CSMD1: variants seen among roughly 807,000 people sequenced by gnomAD.
CSMD1 encodes the protein CUB and sushi domain-containing protein 1.
Under a neutral mutation model 417.5 loss-of-function variants are expected in CSMD1, and 213 were observed. That is an observed-to-expected ratio of 0.51 (90% CI 0.46 to 0.57). The LOEUF is 0.57. Among genes scored for constraint, CSMD1 ranks in the 20% least tolerant of loss-of-function variants. CSMD1 has a pLI of 0.00. For synonymous variants in CSMD1, 2,862 were observed against 1,736.8 expected, an observed-to-expected ratio of 1.65 and a Z score of -16.11; for missense variants, 6,923 against 4,529.7, an observed-to-expected ratio of 1.53 and a Z score of -15.17.
Position 4,437,443 on chromosome 8 carries a change from CAG to C in CSMD1, c.303-17380_303-17379del, listed in dbSNP as rs1342967533. On this transcript the variant is annotated intron_variant, in intron 2 of 69. Transcript: ENST00000635120. ...TTCTAGTCATGATTATCCGTAAAAT[CAG>C]AAACATTCACCAAAAGTTAATTACA... 7.9e-5 allele frequency among the ~76,000 whole-genome samples: 12 copies of C among 152,274 alleles called. No homozygotes were observed. In the East Asian group the frequency reaches 2.3e-3, roughly 29 times the overall value.
At chr8:4,042,334 G>T (rs991694871) in intron 3 of CSMD1, among the ~76,000 whole-genome samples, 1 of 152,054 alleles carries the variant, frequency 6.6e-6, no homozygotes, top group Non-Finnish European at 1.5e-5. Context: ...AAGATAAAGG[G>T]GCCAGGTGAT....
intron 7 of CSMD1, among the ~76,000 whole-genome samples, chr8:3,649,219 T>C (rs1348991332): frequency 6.6e-6 from 1 of 152,212 alleles, no homozygotes; most frequent in Non-Finnish European, 1.5e-5. Flanking sequence ...CTTCCGATAT[T>C]TTCCCTGCTT....
chr8:4,470,967 G>A (rs558815963), intron 2 of CSMD1, among the ~76,000 whole-genome samples: 1 of 152,272 alleles, frequency 6.6e-6, no homozygotes, highest in African/African-American at 2.4e-5. Flanking sequence ...TGTCAATTCA[G>A]TGTCTTTTAA....
chr8:3,914,203 AAGT>A (rs1808649952), intron 5 of CSMD1, among the ~76,000 whole-genome samples: 1 of 152,114 alleles, frequency 6.6e-6, no homozygotes, highest in Admixed American at 6.6e-5. Flanking sequence ...AAAAAGAGGT[AAGT>A]AACTTGAGCA....
chr8:2,968,790 A>G (rs1804193642), intron 57 of CSMD1, among the ~76,000 whole-genome samples: 1 of 152,318 alleles, frequency 6.6e-6, no homozygotes, highest in East Asian at 1.9e-4. Flanking sequence ...CTGGAAGAAG[A>G]AAAATAAATT....
At chr8:3,060,931 G>A (rs1375343396) in intron 49 of CSMD1, among the ~76,000 whole-genome samples, 4 of 152,188 alleles carry the variant, frequency 2.6e-5, no homozygotes, top group Non-Finnish European at 2.9e-5. Context: ...ATGCTGTGAA[G>A]TGTCTGTCAA....
intron 26 of CSMD1, among the ~76,000 whole-genome samples, chr8:3,256,264 T>A (rs1407182161): frequency 6.8e-6 from 1 of 146,082 alleles, no homozygotes; most frequent in Non-Finnish European, 1.5e-5. Flanking sequence ...GAGGCAGAGG[T>A]TTCAGTGGGC....
intron 3 of CSMD1, among the ~76,000 whole-genome samples, chr8:4,126,108 T>C (rs891383231): frequency 6.6e-6 from 1 of 151,952 alleles, no homozygotes; most frequent in Non-Finnish European, 1.5e-5. Context: ...AAAACTCACT[T>C]TGACCCCCTG....
rs547806334 is a variant in CSMD1, at chr8:4,079,184, A to C, written c.416-47085T>G. 2.0e-5 allele frequency among the ~76,000 whole-genome samples: 3 copies of C among 152,146 alleles called. 1 individual carries two copies. In the South Asian group the frequency reaches 6.2e-4, roughly 32 times the overall value. ...CACAGTATAAATTGAATATAAGCTA[A>C]TGTTTTAGTCTATAGAGACATGCCC... On this transcript the variant is annotated intron_variant, in intron 3 of 69. Transcript: ENST00000635120.
At chr8:3,455,551 G>T (rs1318092206) in intron 12 of CSMD1, among the ~76,000 whole-genome samples, 3 of 152,210 alleles carry the variant, frequency 2.0e-5, no homozygotes, top group Non-Finnish European at 4.4e-5. Context: ...TCAGCTGCAG[G>T]TCTGTTGGAA....
chr8:4,432,307 C>T (rs1451035563), intron 2 of CSMD1, among the ~76,000 whole-genome samples: 1 of 152,136 alleles, frequency 6.6e-6, no homozygotes, highest in Non-Finnish European at 1.5e-5. Flanking sequence ...AGCCCAGAGA[C>T]TAGGCAGCTT....
intron 3 of CSMD1, among the ~76,000 whole-genome samples, chr8:4,145,665 A>T (rs896783989): frequency 6.0e-5 from 9 of 151,086 alleles, no homozygotes; most frequent in Admixed American, 4.6e-4. Flanking sequence ...CTGGGATTAC[A>T]GCCTCACAAC....
At chr8:4,245,776 A>T (rs1183653263) in intron 3 of CSMD1, among the ~76,000 whole-genome samples, 1 of 152,134 alleles carries the variant, frequency 6.6e-6, no homozygotes, top group East Asian at 1.9e-4. Flanking sequence ...CTGTTTTCAT[A>T]TTTCCTATTT....
intron 11 of CSMD1, among the ~76,000 whole-genome samples, chr8:3,480,883 G>A (rs112250817): frequency 0.043 from 6,496 of 152,010 alleles, 272 homozygotes; most frequent in East Asian, 0.19. Context: ...TAGGCTGGGG[G>A]CAATGGCTCA....
chr8:3,751,589 T>C (rs934220405), intron 6 of CSMD1, among the ~76,000 whole-genome samples: 2 of 150,990 alleles, frequency 1.3e-5, no homozygotes, highest in Non-Finnish European at 2.9e-5. Context: ...TGTAGTTGTA[T>C]TGTTTATATA....
intron 5 of CSMD1, among the ~76,000 whole-genome samples, chr8:3,970,814 A>G (rs1264764647): frequency 2.6e-5 from 4 of 151,926 alleles, no homozygotes; most frequent in Non-Finnish European, 4.4e-5. Flanking sequence ...GTCCAGGGGC[A>G]CCATCTGTCT....
chr8:4,455,141 G>C (rs892987944), intron 2 of CSMD1, among the ~76,000 whole-genome samples: 1 of 152,092 alleles, frequency 6.6e-6, no homozygotes, highest in Non-Finnish European at 1.5e-5. Flanking sequence ...AGAGGATTTG[G>C]ACAACAGCCA....
intron 5 of CSMD1, among the ~76,000 whole-genome samples, chr8:3,880,611 C>T (rs773202524): frequency 6.6e-6 from 1 of 152,172 alleles, no homozygotes; most frequent in African/African-American, 2.4e-5. Context: ...TTTTTGGATT[C>T]TCCATTTTAA....
At chr8:3,387,319 T>C (rs189277854) in intron 18 of CSMD1, among the ~76,000 whole-genome samples, 175 bp downstream of exon 18, 3 of 152,178 alleles carry the variant, frequency 2.0e-5, no homozygotes, top group Non-Finnish European at 2.9e-5. Context: ...TACACGGTGG[T>C]AGGTAAACTT....
Sources: gnomAD v4.1 joint callset for allele counts (sites outside exome capture counted in the v4.1 genomes callset) on GRCh38, gnomAD v4.1.1 for gene constraint, MANE v1.5 for transcripts, NCBI Gene and HGNC (gene_info 2026-07-23, HGNC 2026-07-21) for gene names.